SORCS1: variants seen among roughly 807,000 people sequenced by gnomAD.
The protein encoded by SORCS1 is sortilin related VPS10 domain containing receptor 1, also known as VPS10 domain-containing receptor SorCS1.
In SORCS1, 60 loss-of-function variants were observed where a neutral mutation model predicts 146.1. That is an observed-to-expected ratio of 0.41 (90% confidence interval 0.33 to 0.51). The LOEUF (loss-of-function observed/expected upper bound fraction) is 0.51, where lower values mean the gene tolerates loss of function less well. Among genes scored for constraint, SORCS1 ranks in the 20% least tolerant of loss-of-function variants. SORCS1 has a pLI of 0.21. For synonymous variants in SORCS1, 637 were observed against 584.0 expected, an observed-to-expected ratio of 1.09 and a Z score of -1.31; for missense variants, 1,352 against 1,487.6, an observed-to-expected ratio of 0.91 and a Z score of 1.50.
At chr10:107,153,018 C>T (rs563184756) in intron 1 of SORCS1, among the ~76,000 whole-genome samples, 71 of 152,162 alleles carry the variant, frequency 4.7e-4, no homozygotes, top group African/African-American at 1.4e-3. Flanking sequence ...TTCCTTCTGT[C>T]TCTCTCTGCC....
intron 21 of SORCS1, among the ~76,000 whole-genome samples, chr10:106,615,180 C>T (rs1246428686): frequency 3.3e-5 from 5 of 152,114 alleles, no homozygotes; most frequent in Non-Finnish European, 5.9e-5. Context: ...CTTCTCTGTC[C>T]CTTGAGATGT....
At chr10:107,028,466 C>T (rs1324384705) in intron 1 of SORCS1, among the ~76,000 whole-genome samples, 4 of 152,164 alleles carry the variant, frequency 2.6e-5, no homozygotes, top group African/African-American at 9.7e-5. Flanking sequence ...TAATCTAGAC[C>T]ACATGCAATT....
intron 1 of SORCS1, among the ~76,000 whole-genome samples, chr10:107,129,263 A>C (rs1194201869): frequency 6.6e-6 from 1 of 152,212 alleles, no homozygotes; most frequent in Non-Finnish European, 1.5e-5. Context: ...TTAAAAGAGA[A>C]TCTCTTGGAG....
intron 2 of SORCS1, among the ~76,000 whole-genome samples, chr10:106,926,492 T>C (rs1194345826): frequency 2.6e-5 from 4 of 152,186 alleles, no homozygotes; most frequent in East Asian, 1.9e-4. Context: ...TTAAATGAGA[T>C]GATACCCTTG....
chr10:106,946,937 A>T (rs188188550), intron 2 of SORCS1, among the ~76,000 whole-genome samples: 25 of 152,328 alleles, frequency 1.6e-4, no homozygotes, highest in African/African-American at 5.8e-4. Context: ...TATAAGTCAA[A>T]GATACATAAT....
At chr10:107,120,305 A>G (rs1025785700) in intron 1 of SORCS1, among the ~76,000 whole-genome samples, 11 of 152,360 alleles carry the variant, frequency 7.2e-5, no homozygotes, top group African/African-American at 2.6e-4. Flanking sequence ...AGTGCTATGC[A>G]CATAGCAGGC....
At chr10:107,021,135 A>G (rs530225992) in intron 1 of SORCS1, among the ~76,000 whole-genome samples, 25 of 152,286 alleles carry the variant, frequency 1.6e-4, no homozygotes, top group African/African-American at 6.0e-4. Context: ...CATACTATAA[A>G]TGCAAACTGT....
intron 2 of SORCS1, among the ~76,000 whole-genome samples, chr10:106,830,592 T>A (rs11597878): frequency 0.44 from 64,843 of 145,916 alleles, 14,159 homozygotes; most frequent in East Asian, 0.51. Context: ...TTTTTTTTTT[T>A]AAAAAAATTT....
chr10:106,955,937 G>C (rs921722822), intron 2 of SORCS1, among the ~76,000 whole-genome samples: 1 of 151,426 alleles, frequency 6.6e-6, no homozygotes, highest in Non-Finnish European at 1.5e-5. Flanking sequence ...AGATCAGCCT[G>C]ACCAAGATGG....
At chr10:107,073,116 A>G (rs899807275) in intron 1 of SORCS1, among the ~76,000 whole-genome samples, 5 of 152,214 alleles carry the variant, frequency 3.3e-5, no homozygotes, top group Admixed American at 1.3e-4. Context: ...TGCATACAGC[A>G]CAGATATTCT....
At chr10:106,660,715 A>C (rs1325623356) in intron 17 of SORCS1, among the ~76,000 whole-genome samples, 1 of 151,128 alleles carries the variant, frequency 6.6e-6, no homozygotes, top group Non-Finnish European at 1.5e-5. Flanking sequence ...ACGCCACTGC[A>C]CTCCATCTTG....
intron 3 of SORCS1, among the ~76,000 whole-genome samples, chr10:106,777,157 A>G (rs1315269383): frequency 1.3e-5 from 2 of 152,158 alleles, no homozygotes; most frequent in Non-Finnish European, 2.9e-5. Context: ...TTCCACTTCA[A>G]TGATTTCCTA....
chr10:107,082,221 C>A (rs1304525638), intron 1 of SORCS1, among the ~76,000 whole-genome samples: 1 of 152,202 alleles, frequency 6.6e-6, no homozygotes, highest in Non-Finnish European at 1.5e-5. Flanking sequence ...AGGGCCTTGA[C>A]TGCCCTCAGA....
At chr10:107,051,443 C>A (rs1960112055) in intron 1 of SORCS1, among the ~76,000 whole-genome samples, 1 of 152,130 alleles carries the variant, frequency 6.6e-6, no homozygotes, top group African/African-American at 2.4e-5. Flanking sequence ...TGTTTACAAT[C>A]CAGTGTGGAG....
chr10:106,812,582 A>G (rs972987632), intron 3 of SORCS1, among the ~76,000 whole-genome samples: 1 of 152,138 alleles, frequency 6.6e-6, no homozygotes, highest in African/African-American at 2.4e-5. Flanking sequence ...TGGTAGTTCT[A>G]TTAGTTTCTT....
chr10:107,047,287 C>G (rs896868997), intron 1 of SORCS1, among the ~76,000 whole-genome samples: 1 of 152,188 alleles, frequency 6.6e-6, no homozygotes, highest in Non-Finnish European at 1.5e-5. Context: ...CCATGCCCAG[C>G]CAGCATTCTG....
intron 9 of SORCS1, among the ~76,000 whole-genome samples, chr10:106,689,616 A>G (rs187495734): frequency 1.3e-5 from 2 of 152,300 alleles, no homozygotes; most frequent in East Asian, 3.9e-4. Context: ...AGACCTCGCC[A>G]AACGCCAAGC....
intron 1 of SORCS1, among the ~76,000 whole-genome samples, chr10:106,984,394 A>ATT (rs34494927): frequency 0.039 from 5,269 of 134,018 alleles, 397 homozygotes; most frequent in African/African-American, 0.14. Context: ...AGTGATTTCC[A>ATT]TTTTTTTTTT....
At chr10:107,013,721 A>G (rs11813569) in intron 1 of SORCS1, among the ~76,000 whole-genome samples, 15,479 of 152,178 alleles carry the variant, frequency 0.1, 1,775 homozygotes, top group African/African-American at 0.28. Context: ...TCCACTGTGC[A>G]ATGACACCAT....
Sources: gnomAD v4.1 joint callset for allele counts (sites outside exome capture counted in the v4.1 genomes callset) on GRCh38, gnomAD v4.1.1 for gene constraint, MANE v1.5 for transcripts, NCBI Gene and HGNC (gene_info 2026-07-23, HGNC 2026-07-21) for gene names.